The following EFCAB14 variants were observed in gnomAD, a reference collection of about 807,000 sequenced individuals.
EFCAB14 encodes EF-hand calcium-binding domain-containing protein 14.
EFCAB14 carries 43 observed loss-of-function variants against 56.5 expected under a neutral mutation model. The observed-to-expected ratio is 0.76, with a 90% CI of 0.60 to 0.98. The LOEUF (loss-of-function observed/expected upper bound fraction) is 0.98. Ranked by LOEUF, EFCAB14 falls within the 50% of genes least tolerant of loss-of-function variation. EFCAB14 has a pLI of 0.00. For synonymous variants in EFCAB14, 235 were observed against 212.9 expected (o/e 1.10, Z -0.90); for missense variants, 538 against 580.3 (o/e 0.93, Z 0.75).
rs1676703161 is a variant in EFCAB14, at chr1:46,676,857, G to A, written c.*1604C>T. ...ATTTAAGTTTGGTTAATACCAAGCT[G>A]AACATCATGTAAAGAAAAAAAAAAC... On this transcript the variant is annotated 3_prime_UTR_variant, in exon 11 of 11. Coordinates refer to ENST00000371933, the MANE Select transcript of EFCAB14 (RefSeq NM_014774.3). The A allele has an allele frequency of 6.7e-6, 1 of 148,260 alleles. No individual in the cohort carries two copies. Among genetic ancestry groups the A allele is most frequent in the Non-Finnish European group, 1.5e-5 (1 of 66,710 alleles). 9.2% of individuals were successfully genotyped at this position (148,260 alleles called of 1,614,324 possible).
chr1:46,695,339 T>C (rs923781520), intron 4 of EFCAB14, among the ~76,000 whole-genome samples: 1 of 152,040 alleles, frequency 6.6e-6, no homozygotes, highest in Non-Finnish European at 1.5e-5. Context: ...GGCAAGAATC[T>C]GGCCTCATCA....
chr1:46,677,899 T>G lies in EFCAB14; in HGVS notation c.*562A>C, dbSNP rs371598133. 6.6e-6 allele frequency: 1 copy of G among 152,668 alleles called. No homozygotes were observed. Among genetic ancestry groups the G allele is most frequent in the Non-Finnish European group, 1.5e-5 (1 of 68,118 alleles). 9.5% of individuals were successfully genotyped at this position (152,668 alleles called of 1,614,324 possible). ...TACCTTATGGAGACATGGATGTAGTTTCAGCTGCCACCTACACCAGATCAG... is the reference window on the plus strand; with the variant it reads ...TACCTTATGGAGACATGGATGTAGTGTCAGCTGCCACCTACACCAGATCAG... On this transcript the variant is annotated 3_prime_UTR_variant, in exon 11 of 11. Transcript: ENST00000371933.
At chr1:46,709,985 T>G in intron 2 of EFCAB14, among the ~76,000 whole-genome samples, 1 of 151,958 alleles carries the variant, frequency 6.6e-6, no homozygotes, top group African/African-American at 2.4e-5. Context: ...CGAGACTCCA[T>G]CTCAAAAACA....
chr1:46,679,186 C>T (rs57240517), intron 10 of EFCAB14, among the ~76,000 whole-genome samples: 1,692 of 152,314 alleles, frequency 0.011, 30 homozygotes, highest in African/African-American at 0.039. Context: ...ACTTGGAAGC[C>T]CATAAAACAA....
At chr1:46,716,236 A>AAG in intron 2 of EFCAB14, 59 bp downstream of exon 2, 1 of 1,488,248 alleles carries the variant, frequency 6.7e-7, no homozygotes. Flanking sequence ...GCGACAGAGC[A>AAG]AGACCCTGTC....
intron 4 of EFCAB14, among the ~76,000 whole-genome samples, chr1:46,693,491 G>A (rs1677030831): frequency 6.6e-6 from 1 of 152,180 alleles, no homozygotes; most frequent in African/African-American, 2.4e-5. Context: ...GATTTGCAAA[G>A]AGACAACACA....
At chr1:46,699,567 T>C (rs1677125172) in intron 3 of EFCAB14, among the ~76,000 whole-genome samples, 1 of 152,222 alleles carries the variant, frequency 6.6e-6, no homozygotes, top group Admixed American at 6.5e-5. Flanking sequence ...AGAAGGCTAG[T>C]CTAAGCAGAG....
intron 4 of EFCAB14, among the ~76,000 whole-genome samples, chr1:46,695,374 C>G (rs901348464): frequency 1.3e-5 from 2 of 150,994 alleles, no homozygotes; most frequent in Non-Finnish European, 2.9e-5. Flanking sequence ...CCTTTTTTTT[C>G]CCCCCGAATT....
At chr1:46,690,236 C>T (rs969807765) in intron 5 of EFCAB14, among the ~76,000 whole-genome samples, 4 of 152,210 alleles carry the variant, frequency 2.6e-5, no homozygotes, top group African/African-American at 9.6e-5. Context: ...TTCCCATTCC[C>T]TTCCCACTGC....
In EFCAB14 at chr1:46,689,700, A is replaced by G; in HGVS notation, c.691-9T>C. On this transcript the variant is annotated splice_polypyrimidine_tract_variant and intron_variant, in intron 5 of 10. Transcript: ENST00000371933. ...TTCAAGAAGTGCTGATTCTGTTAAG[A>G]GGAAAGAAGTTTAGTGTAGGCAACA... The G allele has an allele frequency of 6.2e-7, 1 of 1,612,828 alleles. No individual in the cohort carries two copies. Among genetic ancestry groups the G allele is most frequent in the Non-Finnish European group, 8.5e-7 (1 of 1,178,940 alleles).
At chr1:46,696,857 C>T (rs1354517632) in intron 3 of EFCAB14, among the ~76,000 whole-genome samples, 2 of 152,084 alleles carry the variant, frequency 1.3e-5, no homozygotes, top group African/African-American at 4.8e-5. Context: ...CTTTCCCTGC[C>T]CAATTTGAAC....
At chr1:46,711,327 T>G (rs1472596568) in intron 2 of EFCAB14, among the ~76,000 whole-genome samples, 4 of 152,252 alleles carry the variant, frequency 2.6e-5, no homozygotes, top group Non-Finnish European at 5.9e-5. Flanking sequence ...CATACTCAGG[T>G]ACCCCGAAGG....
chr1:46,714,724 C>T (rs981073033), intron 2 of EFCAB14, among the ~76,000 whole-genome samples: 3 of 151,554 alleles, frequency 2.0e-5, no homozygotes, highest in Admixed American at 1.3e-4. Context: ...ACTGCTTGAG[C>T]CCATGAAGTC....
intron 10 of EFCAB14, chr1:46,682,392 C>A (rs993840853): frequency 6.6e-6 from 1 of 152,114 alleles, no homozygotes; most frequent in Non-Finnish European, 1.5e-5. Context: ...CTAAACATCA[C>A]CATGAGGGAT....
At chr1:46,694,701 C>A (rs183948429) in intron 4 of EFCAB14, among the ~76,000 whole-genome samples, 1 of 152,246 alleles carries the variant, frequency 6.6e-6, no homozygotes, top group African/African-American at 2.4e-5. Context: ...CTAGAAATAC[C>A]ATTTGACCCA....
intron 2 of EFCAB14, among the ~76,000 whole-genome samples, chr1:46,712,650 G>C (rs1285831155): frequency 1.3e-5 from 2 of 152,060 alleles, no homozygotes. Context: ...CAAGCAGGTG[G>C]TCTTATCCAA....
chr1:46,717,677 C>T (rs185957727), intron 1 of EFCAB14, among the ~76,000 whole-genome samples: 2 of 152,306 alleles, frequency 1.3e-5, no homozygotes, highest in Non-Finnish European at 2.9e-5. Flanking sequence ...CACATTTCCA[C>T]CTCAGATTTG....
intron 3 of EFCAB14, among the ~76,000 whole-genome samples, chr1:46,705,487 G>C (rs1276573115): frequency 6.6e-6 from 1 of 152,184 alleles, no homozygotes; most frequent in African/African-American, 2.4e-5. Context: ...CTGTCTGTTT[G>C]CATGTTCTCC....
At chr1:46,715,625 G>T (rs574913003) in intron 2 of EFCAB14, among the ~76,000 whole-genome samples, 1 of 152,016 alleles carries the variant, frequency 6.6e-6, no homozygotes, top group South Asian at 2.1e-4. Flanking sequence ...GCCACTTTAT[G>T]CTTGGGGAGA....
Sources: gnomAD v4.1 joint callset for allele counts (sites outside exome capture counted in the v4.1 genomes callset) on GRCh38, gnomAD v4.1.1 for gene constraint, MANE v1.5 for transcripts, NCBI Gene and HGNC (gene_info 2026-07-23, HGNC 2026-07-21) for gene names.